ST6GALNAC3: variants seen among roughly 807,000 people sequenced by gnomAD.
The protein encoded by ST6GALNAC3 is ST6 N-acetylgalactosaminide alpha-2,6-sialyltransferase 3.
A neutral mutation model predicts 32.7 loss-of-function variants in ST6GALNAC3; 25 were observed. The observed-to-expected ratio is 0.76, with a 90% CI of 0.56 to 1.07. ST6GALNAC3 has a LOEUF of 1.07. ST6GALNAC3 is among the 50% of genes least tolerant of loss of function. ST6GALNAC3 has a pLI of 0.00. For synonymous variants in ST6GALNAC3, 129 were observed against 133.1 expected (o/e 0.97, Z 0.21); for missense variants, 355 against 382.4 (o/e 0.93, Z 0.60).
chr1:76,110,465 A>G (rs1160196189), intron 1 of ST6GALNAC3, among the ~76,000 whole-genome samples: 1 of 152,274 alleles, frequency 6.6e-6, no homozygotes, highest in Non-Finnish European at 1.5e-5. Context: ...TTGTGAGCAC[A>G]GTGTGTGTGA....
chr1:76,469,128 G>C (rs908104142), intron 3 of ST6GALNAC3, among the ~76,000 whole-genome samples: 12 of 152,066 alleles, frequency 7.9e-5, no homozygotes, highest in African/African-American at 2.9e-4. Flanking sequence ...CTGATTATGT[G>C]TTGTAATGGC....
intron 1 of ST6GALNAC3, among the ~76,000 whole-genome samples, chr1:76,196,685 C>T (rs1364256510): frequency 3.9e-5 from 6 of 152,042 alleles, no homozygotes; most frequent in Admixed American, 6.5e-5. Flanking sequence ...AGGCTGGTCT[C>T]GAACTCCTGA....
At chr1:76,144,027 T>C (rs767984632) in intron 1 of ST6GALNAC3, among the ~76,000 whole-genome samples, 6 of 152,144 alleles carry the variant, frequency 3.9e-5, no homozygotes, top group Non-Finnish European at 5.9e-5. Flanking sequence ...AGTACATAAG[T>C]GGATCTGTGT....
intron 1 of ST6GALNAC3, among the ~76,000 whole-genome samples, chr1:76,146,980 T>A (rs1378252178): frequency 6.6e-6 from 1 of 152,124 alleles, no homozygotes; most frequent in Non-Finnish European, 1.5e-5. Flanking sequence ...CTCCGTGTAC[T>A]GCTCCACGTG....
chr1:76,141,473 G>A lies in ST6GALNAC3; in HGVS notation c.18+66589G>A, dbSNP rs1570158846. Among the ~76,000 whole-genome samples the A allele has an allele frequency of 2.0e-5, 3 of 152,190 alleles. No homozygotes were observed. In the South Asian group the frequency reaches 6.2e-4, roughly 32 times the overall value. On this transcript the variant is annotated intron_variant, in intron 1 of 4. Transcript: ENST00000328299. ...CCCATTAAGTGTGCTTAAGTCATTT[G>A]AACTCCTAGAGAATCCATGTCAGAG...
chr1:76,273,112 A>C (rs1658945963), intron 1 of ST6GALNAC3, among the ~76,000 whole-genome samples: 1 of 152,230 alleles, frequency 6.6e-6, no homozygotes, highest in South Asian at 2.1e-4. Context: ...TATTTGATAA[A>C]GAAGGTATTG....
rs556776336 is a variant in ST6GALNAC3, at chr1:76,148,836, T to C, written c.18+73952T>C. On this transcript the variant is annotated intron_variant, in intron 1 of 4. Transcript: ENST00000328299. ...TATCACCACCTGAAACTTGTTCCAT[T>C]CTAAGTTAAGGATTAACTAAATGAA... 1.3e-4 allele frequency among the ~76,000 whole-genome samples: 20 copies of C among 152,340 alleles called. No homozygotes were observed. The South Asian group carries it at 3.9e-3, about 30-fold the overall frequency.
chr1:76,467,303 T>C (rs1658703021), intron 3 of ST6GALNAC3, among the ~76,000 whole-genome samples: 3 of 152,050 alleles, frequency 2.0e-5, no homozygotes, highest in African/African-American at 7.2e-5. Context: ...TGTCCTGATA[T>C]GAGTGGCGTA....
chr1:76,589,876 G>A (rs949490767), intron 3 of ST6GALNAC3, among the ~76,000 whole-genome samples: 1 of 151,938 alleles, frequency 6.6e-6, no homozygotes, highest in Non-Finnish European at 1.5e-5. Flanking sequence ...TACCAAACTT[G>A]GGAAGTAGGG....
At chr1:76,479,548 G>T (rs1454778937) in intron 3 of ST6GALNAC3, among the ~76,000 whole-genome samples, 1 of 152,206 alleles carries the variant, frequency 6.6e-6, no homozygotes, top group Admixed American at 6.5e-5. Context: ...CATGGCGGAA[G>T]CCATCAAACG....
intron 3 of ST6GALNAC3, among the ~76,000 whole-genome samples, chr1:76,527,114 G>A (rs1022325593): frequency 3.3e-5 from 5 of 152,040 alleles, no homozygotes; most frequent in African/African-American, 1.2e-4. Context: ...CTTAGAAATA[G>A]TATCTCAACC....
At chr1:76,547,675 A>C (rs1664378200) in intron 3 of ST6GALNAC3, among the ~76,000 whole-genome samples, 1 of 152,082 alleles carries the variant, frequency 6.6e-6, no homozygotes, top group South Asian at 2.1e-4. Context: ...CAACATAGTG[A>C]AACCCCATCT....
At chr1:76,093,940 T>C (rs777878621) in intron 1 of ST6GALNAC3, among the ~76,000 whole-genome samples, 1 of 152,268 alleles carries the variant, frequency 6.6e-6, no homozygotes, top group African/African-American at 2.4e-5. Flanking sequence ...AGGTTTCTCC[T>C]GTGTGATGTA....
chr1:76,590,896 G>T (rs1161720557), intron 3 of ST6GALNAC3, among the ~76,000 whole-genome samples: 1 of 152,120 alleles, frequency 6.6e-6, no homozygotes, highest in East Asian at 1.9e-4. Flanking sequence ...TGATTCATTT[G>T]ATTATTATTC....
intron 1 of ST6GALNAC3, among the ~76,000 whole-genome samples, chr1:76,194,692 T>C (rs1266871370): frequency 1.3e-5 from 2 of 152,176 alleles, no homozygotes; most frequent in African/African-American, 2.4e-5. Flanking sequence ...TAAAAGTAGA[T>C]GAAAATTCAG....
chr1:76,479,669 C>T (rs1240069031), intron 3 of ST6GALNAC3, among the ~76,000 whole-genome samples: 1 of 152,136 alleles, frequency 6.6e-6, no homozygotes, highest in African/African-American at 2.4e-5. Context: ...TTAATCCATT[C>T]CTGAAAACAG....
At chr1:76,249,541 G>C (rs973472357) in intron 1 of ST6GALNAC3, among the ~76,000 whole-genome samples, 4 of 151,698 alleles carry the variant, frequency 2.6e-5, no homozygotes, top group Non-Finnish European at 5.9e-5. Flanking sequence ...ATCAGTTATA[G>C]CCGCTTTTAG....
intron 2 of ST6GALNAC3, among the ~76,000 whole-genome samples, chr1:76,405,232 G>A (rs1241372917): frequency 6.6e-6 from 1 of 152,076 alleles, no homozygotes; most frequent in African/African-American, 2.4e-5. Context: ...AGTGATAAAT[G>A]CAGAGATTTA....
chr1:76,599,521 C>A (rs906381147), intron 3 of ST6GALNAC3, among the ~76,000 whole-genome samples: 3 of 151,948 alleles, frequency 2.0e-5, no homozygotes, highest in African/African-American at 7.3e-5. Context: ...TCAACTCCCC[C>A]TTATGAGTGA....
Sources: allele counts gnomAD v4.1 joint callset (sites outside exome capture counted in the v4.1 genomes callset), GRCh38; gene constraint gnomAD v4.1.1; transcripts MANE v1.5; gene names NCBI Gene and HGNC (gene_info 2026-07-23, HGNC 2026-07-21).